The following TRPC5 variants were observed in gnomAD, a reference collection of about 807,000 sequenced individuals.
TRPC5 encodes transient receptor potential cation channel subfamily C member 5, also known as short transient receptor potential channel 5.
Under a neutral mutation model 56.5 loss-of-function variants are expected in TRPC5, and 9 were observed. That is an observed-to-expected ratio of 0.16 (90% confidence interval 0.10 to 0.28). The LOEUF (loss-of-function observed/expected upper bound fraction) is 0.28, where lower values mean the gene tolerates loss of function less well. TRPC5 is among the 10% of genes least tolerant of loss of function. The pLI, the probability that TRPC5 is intolerant of heterozygous loss-of-function variation, is 1.00. For missense variants in TRPC5, 469 were observed against 748.9 expected (o/e 0.63, Z 4.36); for synonymous variants, 282 against 278.5 (o/e 1.01, Z -0.13).
intron 1 of TRPC5, among the ~76,000 whole-genome samples, chrX:111,953,149 G>T (rs976691713): frequency 9.0e-6 from 1 of 111,693 alleles, no homozygotes; most frequent in Non-Finnish European, 1.9e-5. Flanking sequence ...ACTCCAATAG[G>T]CCAAAGCCAA....
intron 1 of TRPC5, among the ~76,000 whole-genome samples, chrX:112,022,054 T>C (rs1012222703): frequency 1.8e-5 from 2 of 112,300 alleles, no homozygotes; most frequent in Non-Finnish European, 3.8e-5. Flanking sequence ...AGATTCTGAA[T>C]GATGGCCCCT....
At chrX:111,877,758 G>C (rs766591839) in intron 3 of TRPC5, among the ~76,000 whole-genome samples, 4 of 111,516 alleles carry the variant, frequency 3.6e-5, no homozygotes, top group Non-Finnish European at 5.6e-5. Context: ...GAAACGGTGA[G>C]AGAGAAAAAG....
intron 1 of TRPC5, among the ~76,000 whole-genome samples, chrX:111,997,546 G>A (rs1928574005): frequency 9.0e-6 from 1 of 111,164 alleles, no homozygotes; most frequent in African/African-American, 3.3e-5. Flanking sequence ...GCCTTGCTAG[G>A]TTGGGGGAAG....
At chrX:112,002,764 A>G (rs1363196244) in intron 1 of TRPC5, among the ~76,000 whole-genome samples, 1 of 112,153 alleles carries the variant, frequency 8.9e-6, no homozygotes, top group Non-Finnish European at 1.9e-5. Context: ...AATACACAAC[A>G]TGCTTTAAAC....
intron 1 of TRPC5, among the ~76,000 whole-genome samples, chrX:112,077,966 G>T (rs112973742): frequency 0.036 from 3,980 of 111,073 alleles, 173 homozygotes; most frequent in African/African-American, 0.12. Flanking sequence ...TTGGGGGGCT[G>T]ATTCTGAGAC....
intron 7 of TRPC5, among the ~76,000 whole-genome samples, chrX:111,796,390 C>T (rs1015447134): frequency 9.0e-6 from 1 of 111,598 alleles, no homozygotes; most frequent in African/African-American, 3.2e-5. Flanking sequence ...ATGGGCCATA[C>T]TTTCTTGCTT....
Position 111,853,735 on chromosome X carries a change from C to G in TRPC5, c.1237+35G>C, listed in dbSNP as rs778793236. 98 of 1,168,789 alleles carry G rather than the reference C, an allele frequency of 8.4e-5. 1 individual carries two copies. The South Asian group carries it at 1.6e-3, about 20-fold the overall frequency. On this transcript the variant is annotated intron_variant, in intron 4 of 10. Transcript: ENST00000262839. The stretch of plus-strand genomic sequence containing the variant: ...AGTTTATTTAAACAGGACCATCAGG[C>G]AGTCTGGCCATAGGTCCTGGTCCCT...
At chrX:111,810,336 C>A (rs1405953516) in intron 7 of TRPC5, among the ~76,000 whole-genome samples, 2 of 111,063 alleles carry the variant, frequency 1.8e-5, no homozygotes, top group African/African-American at 6.5e-5. Context: ...TCAGAAGCTG[C>A]CTACCAGAGT....
chrX:112,006,152 C>G (rs749866652), intron 1 of TRPC5, among the ~76,000 whole-genome samples: 1 of 110,923 alleles, frequency 9.0e-6, no homozygotes, highest in Non-Finnish European at 1.9e-5. Flanking sequence ...GAACACAGCT[C>G]AACAACATGC....
At chrX:111,963,335 C>T (rs959391397) in intron 1 of TRPC5, among the ~76,000 whole-genome samples, 6 of 112,490 alleles carry the variant, frequency 5.3e-5, no homozygotes, top group African/African-American at 1.9e-4. Flanking sequence ...GAAGCTCGAA[C>T]TGGGTGGAGC....
rs187517215 is a variant in TRPC5, at chrX:111,923,056, G to A, written c.379-10244C>T. 2.7e-5 allele frequency among the ~76,000 whole-genome samples: 3 copies of A among 111,307 alleles called. No homozygotes were observed. In the Admixed American group the frequency reaches 2.9e-4, roughly 11 times the overall value. On this transcript the variant is annotated intron_variant, in intron 2 of 10. Coordinates refer to ENST00000262839, the MANE Select transcript of TRPC5 (RefSeq NM_012471.3). ...AGAGAAGCTAAGTGTCTTGGCCCAG[G>A]TCACATAGCTAGGACGTAGAGAGCC...
At chrX:112,073,260 T>TTTTG (rs943824333) in intron 1 of TRPC5, among the ~76,000 whole-genome samples, 75 of 110,934 alleles carry the variant, frequency 6.8e-4, no homozygotes, top group African/African-American at 2.2e-3. Flanking sequence ...AGAGATAAAT[T>TTTTG]TTTGTTTGTT....
At chrX:112,076,621 C>G (rs775332742) in intron 1 of TRPC5, among the ~76,000 whole-genome samples, 1 of 111,679 alleles carries the variant, frequency 9.0e-6, no homozygotes, top group Non-Finnish European at 1.9e-5. Context: ...ATAATTTGTC[C>G]ATCAAATGAT....
intron 1 of TRPC5, among the ~76,000 whole-genome samples, chrX:112,045,439 T>C (rs1929993457): frequency 8.9e-6 from 1 of 111,974 alleles, no homozygotes; most frequent in Non-Finnish European, 1.9e-5. Context: ...CCAGTGGTAC[T>C]GACTTTGAAC....
At chrX:112,044,266 A>G (rs1343304299) in intron 1 of TRPC5, among the ~76,000 whole-genome samples, 1 of 112,224 alleles carries the variant, frequency 8.9e-6, no homozygotes, top group Non-Finnish European at 1.9e-5. Context: ...GGTTGAATAT[A>G]AAGTAACATT....
Position 111,952,409 on chromosome X carries a change from C to T in TRPC5, c.12G>A (p.Leu4=). 4.2e-6 allele frequency: 5 copies of T among 1,201,921 alleles called. No individual in the cohort carries two copies. The highest frequency in any genetic ancestry group is 5.6e-6 in the Non-Finnish European group (5 of 890,680). MAQ[L]YYKKVNYSPY... Reference sequence around the variant, plus strand: ...GTGAGTAGTTGACCTTTTTGTAGTACAGTTGGGCCATGGTTCATAGCAATG... The same window carrying T: ...GTGAGTAGTTGACCTTTTTGTAGTATAGTTGGGCCATGGTTCATAGCAATG... The change falls in exon 2 of 11, where the codon CTG becomes CTA. Residue 4 remains leucine, a synonymous_variant. Transcript: ENST00000262839.
At chrX:112,030,006 G>A (rs1929544202) in intron 1 of TRPC5, among the ~76,000 whole-genome samples, 1 of 111,397 alleles carries the variant, frequency 9.0e-6, no homozygotes, top group South Asian at 3.8e-4. Flanking sequence ...TGTATTTTTA[G>A]TAGAGATTGG....
intron 7 of TRPC5, among the ~76,000 whole-genome samples, chrX:111,804,627 G>T (rs1331469023): frequency 3.6e-5 from 4 of 111,463 alleles, no homozygotes; most frequent in Non-Finnish European, 5.6e-5. Context: ...GTGAATGGGA[G>T]TTCACTCATG....
At chrX:111,950,099 C>G (rs747703829) in intron 2 of TRPC5, among the ~76,000 whole-genome samples, 51 of 111,293 alleles carry the variant, frequency 4.6e-4, no homozygotes, top group South Asian at 1.9e-3. Flanking sequence ...CCAAGGTGGG[C>G]AGATCACGAG....
Sources: gnomAD v4.1 joint callset for allele counts (sites outside exome capture counted in the v4.1 genomes callset) on GRCh38, gnomAD v4.1.1 for gene constraint, MANE v1.5 for transcripts, NCBI Gene and HGNC (gene_info 2026-07-23, HGNC 2026-07-21) for gene names.